Variants in EPN3 observed in about 807,000 individuals in gnomAD.
EPN3 encodes epsin-3.
In EPN3, 56 loss-of-function variants were observed where a neutral mutation model predicts 55.5. That is an observed-to-expected ratio of 1.01 (90% CI 0.81 to 1.26). The LOEUF (loss-of-function observed/expected upper bound fraction) is 1.26, where lower values mean the gene tolerates loss of function less well. EPN3 is among the 50% of genes most tolerant of loss of function. EPN3 has a pLI of 0.00. For missense variants in EPN3, 927 were observed against 853.4 expected (o/e 1.09, Z -1.07); for synonymous variants, 449 against 375.2 (o/e 1.20, Z -2.27).
rs1337253062 is a variant in EPN3, at chr17:50,541,544, C to A, written c.1435C>A (p.Leu479Ile). 1.9e-6 allele frequency: 3 copies of A among 1,614,182 alleles called. No individual in the cohort carries two copies. The highest frequency in any genetic ancestry group is 2.5e-6 in the Non-Finnish European group (3 of 1,180,026). ...KEPDALDLGI[L>I]GEALTQPSKE... ...GCCAGATGCCCTGGACCTGGGCATA[C>A]TAGGGGAAGCACTAACCCAGCCAAG... Residue 479 changes from leucine (L) to isoleucine (I), a missense_variant, in exon 9 of 10, where the codon CTA (leucine) becomes ATA (isoleucine). Coordinates refer to ENST00000268933, the MANE Select transcript of EPN3 (RefSeq NM_017957.3).
Position 50,541,664 on chromosome 17 carries a change from GT to G in EPN3, c.1557del (p.Ala520GlnfsTer8), listed in dbSNP as rs577978019. 6.5e-4 allele frequency: 1,056 copies of G among 1,614,106 alleles called. 21 individuals carry two copies. The Admixed American group carries it at 0.016, about 25-fold the overall frequency. On this transcript the variant is annotated frameshift_variant, in exon 9 of 10. Transcript: ENST00000268933. LOFTEE classifies it high-confidence loss of function. The stretch of plus-strand genomic sequence containing the variant: ...TGACTCGTTGGTCAAGGCACCCCAG[GT>G]TGCAAAGACCCGGAACCCCTTCCTG... ...NLDSLVKAPQ[V>X]AKTRNPFLTG...
rs1365747575 is a variant in EPN3, at chr17:50,541,343, G to A, written c.1354+10G>A. 6.2e-7 allele frequency: 1 copy of A among 1,611,066 alleles called. No individual in the cohort carries two copies. Among genetic ancestry groups the A allele is most frequent in the East Asian group, 2.2e-5 (1 of 44,886 alleles). On this transcript the variant is annotated intron_variant, in intron 8 of 9. Coordinates refer to ENST00000268933, the MANE Select transcript of EPN3 (RefSeq NM_017957.3). ...CCCAGCAGCCCTGTGGGTGAGCAGG[G>A]CAAGGGGATGGTGAGGCTCTGGGGA... is the stretch of plus-strand genomic sequence containing the variant.
intron 1 of EPN3, chr17:50,534,563 G>A (rs2034730735): frequency 1.0e-6 from 1 of 985,516 alleles, no homozygotes; most frequent in Non-Finnish European, 1.2e-6. Context: ...TCACTAGCAA[G>A]GGGGAGGGCA....
In EPN3 at chr17:50,543,373, G is replaced by T; in HGVS notation, c.*1216G>T. ...GTGAGGCCTGGTACTCAATCCAGGA[G>T]GGGCCCCTATGACCACCCTCGCCTG... is the stretch of plus-strand genomic sequence containing the variant. On this transcript the variant is annotated 3_prime_UTR_variant, in exon 10 of 10. Coordinates refer to ENST00000268933, the MANE Select transcript of EPN3 (RefSeq NM_017957.3). 1 of 152,448 alleles carries T rather than the reference G, an allele frequency of 6.6e-6. No homozygotes were observed. The highest frequency in any genetic ancestry group is 1.5e-5 in the Non-Finnish European group (1 of 68,108). The allele number at this position is 152,448 out of a possible 1,614,324, so 9.4% of individuals were successfully genotyped here. A position where few individuals can be genotyped will look rare whatever the true frequency, so the allele number is the denominator to read the frequency against.
rs139970360 is a variant in EPN3, at chr17:50,535,088, T to G, written c.-136-1333T>G. On this transcript the variant is annotated intron_variant, in intron 1 of 9. Coordinates refer to ENST00000268933, the MANE Select transcript of EPN3 (RefSeq NM_017957.3). ...TGGGCCTGGAGTTGTATTCAGCAGA[T>G]AGCCTGGACCTGTGGCTACTGGGGG... 3.3e-5 allele frequency among the ~76,000 whole-genome samples: 5 copies of G among 152,310 alleles called. No individual in the cohort carries two copies. The East Asian group carries it at 9.7e-4, about 29-fold the overall frequency.
At chr17:50,538,802 C>A in intron 3 of EPN3, 82 bp from the exon 4 acceptor site, 1 of 1,072,454 alleles carries the variant, frequency 9.3e-7, no homozygotes, top group South Asian at 1.8e-5. Flanking sequence ...TCTCCATCCC[C>A]ATGACCCAGG....
rs1371960763 is a variant in EPN3 at position 50,536,441 on chromosome 17, T to C, written c.-116T>C. 1.3e-6 allele frequency: 2 copies of C among 1,542,146 alleles called. No individual in the cohort carries two copies. The highest frequency in any genetic ancestry group is 2.0e-5 in the Admixed American group (1 of 48,916). ...CTCAGCCCCATGTGGAACCCAAGGATGCAGCTGCTCTGCTAACACGGCAGC... is the reference window on the plus strand; with the variant it reads ...CTCAGCCCCATGTGGAACCCAAGGACGCAGCTGCTCTGCTAACACGGCAGC... On this transcript the variant is annotated 5_prime_UTR_variant, in exon 2 of 10. The change abolishes an upstream ATG in the 5' untranslated region. Coordinates refer to ENST00000268933, the MANE Select transcript of EPN3 (RefSeq NM_017957.3).
In EPN3 at chr17:50,532,815, C is replaced by T. The variant is rs1477883104; in HGVS notation, c.-307C>T. ...CATTCCAGGGACCCTGCCGCTGCCC[C>T]TCTGAGGGGTCTGCACCTCCTGGGA... On this transcript the variant is annotated 5_prime_UTR_variant, in exon 1 of 10. Coordinates refer to ENST00000268933, the MANE Select transcript of EPN3 (RefSeq NM_017957.3). 2 of 1,161,608 alleles carry T rather than the reference C, an allele frequency of 1.7e-6. No homozygotes were observed. Among genetic ancestry groups the T allele is most frequent in the African/African-American group, 1.6e-5 (1 of 62,044 alleles). The allele number at this position is 1,161,608 out of a possible 1,614,324, so 72.0% of individuals were successfully genotyped here. A position where few individuals can be genotyped will look rare whatever the true frequency, so the allele number is the denominator to read the frequency against.
intron 1 of EPN3, chr17:50,534,507 T>C: frequency 1.0e-6 from 1 of 985,456 alleles, no homozygotes; most frequent in Non-Finnish European, 1.2e-6. Context: ...CCATCTTGAC[T>C]CTGCCACCCC....
Position 50,541,680 on chromosome 17 carries a change from AC to A in EPN3, c.1575del (p.Phe526SerfsTer2), listed in dbSNP as rs1567905751. 1 of 1,613,120 alleles carries A rather than the reference AC, an allele frequency of 6.2e-7. No homozygotes were observed. Among genetic ancestry groups the A allele is most frequent in the East Asian group, 2.2e-5 (1 of 44,858 alleles). On this transcript the variant is annotated frameshift_variant, in exon 9 of 10. Coordinates refer to ENST00000268933, the MANE Select transcript of EPN3 (RefSeq NM_017957.3). LOFTEE classifies it high-confidence loss of function. ...VKAPQVAKTR[N>X]PFLTGLSAPS... ...GCACCCCAGGTTGCAAAGACCCGGA[AC>A]CCCTTCCTGACAGGTAAGATATGCC... is the stretch of plus-strand genomic sequence containing the variant.
At chr17:50,541,104 C>T (rs1241089393) in intron 7 of EPN3, 42 bp downstream of exon 7, 3 of 1,570,854 alleles carry the variant, frequency 1.9e-6, no homozygotes, top group African/African-American at 1.3e-5. Flanking sequence ...AGCTGGGGGA[C>T]TTCCAGGCAG....
intron 1 of EPN3, 72 bp from the exon 2 acceptor site, chr17:50,536,349 T>C (rs981095435): frequency 3.1e-6 from 4 of 1,287,512 alleles, no homozygotes; most frequent in Non-Finnish European, 4.1e-6. Flanking sequence ...CAGGCCTCAT[T>C]TAGTTGGTCA....
Position 50,540,801 on chromosome 17 carries a change from C to A in EPN3, c.988C>A (p.Pro330Thr), listed in dbSNP as rs1046215150. 1 of 1,608,498 alleles carries A rather than the reference C, an allele frequency of 6.2e-7. No homozygotes were observed. The highest frequency in any genetic ancestry group is 8.5e-7 in the Non-Finnish European group (1 of 1,176,340). ...ADPWDIPGFR[P>T]NTEASGSSWG... is the part of the protein sequence containing the mutation. ...TGCTGTTCCCATTTCAGGTTTTAGG[C>A]CGAACACAGAGGCCAGTGGATCCTC... The change falls in exon 7 of 10, where the codon CCG becomes ACG. Residue 330 changes from proline to threonine, a missense_variant. Physicochemically the swap from Pro to Thr is conservative, Grantham distance 38. Coordinates refer to ENST00000268933, the MANE Select transcript of EPN3 (RefSeq NM_017957.3).
chr17:50,533,047 G>A (rs1461048936), intron 1 of EPN3, 62 bp downstream of exon 1: 30 of 1,083,374 alleles, frequency 2.8e-5, no homozygotes, highest in Non-Finnish European at 3.7e-5. Context: ...GGTTGGTGGG[G>A]AGCAAACAGT....
At chr17:50,538,024 G>C in intron 2 of EPN3, 55 bp from the exon 3 acceptor site, 2 of 1,400,792 alleles carry the variant, frequency 1.4e-6, no homozygotes, top group East Asian at 2.3e-5. Flanking sequence ...CAGGCAGAGG[G>C]GTGTGGGAGC....
rs1597864909 is a variant in EPN3, at chr17:50,542,118, GC to G, written c.1865del (p.Pro622ArgfsTer42). On this transcript the variant is annotated frameshift_variant, in exon 10 of 10. Transcript: ENST00000268933. LOFTEE classifies it high-confidence loss of function. Reference sequence around the variant, plus strand: ...CCACGCCGAGCTCAGCCGGGCCGCGGCCCCCGCCCCCGCAGACCGGCACCAA... The same window carrying G: ...CCACGCCGAGCTCAGCCGGGCCGCGGCCCCGCCCCCGCAGACCGGCACCAA... ...LPTPSSAGPR[P>X]PPPQTGTNPF... 7.2e-6 allele frequency: 11 copies of G among 1,523,148 alleles called. No homozygotes were observed. The highest frequency in any genetic ancestry group is 2.4e-5 in the South Asian group (2 of 82,484). 94.4% of individuals were successfully genotyped at this position (1,523,148 alleles called of 1,614,324 possible). A position where few individuals can be genotyped will look rare whatever the true frequency, so the allele number is the denominator to read the frequency against.
intron 1 of EPN3, among the ~76,000 whole-genome samples, chr17:50,535,647 C>T (rs1444373186): frequency 6.6e-6 from 1 of 152,134 alleles, no homozygotes; most frequent in African/African-American, 2.4e-5. Context: ...TTGGGTCTTC[C>T]TGTGCGGCTC....
intron 7 of EPN3, 51 bp downstream of exon 7, chr17:50,541,113 A>G (rs756644473): frequency 6.4e-7 from 1 of 1,573,416 alleles, no homozygotes; most frequent in South Asian, 1.2e-5. Flanking sequence ...ACTTCCAGGC[A>G]GGGCCAAGGG....
chr17:50,538,991 C>G (rs190060436), intron 4 of EPN3, 27 bp downstream of exon 4: 6 of 1,576,570 alleles, frequency 3.8e-6, no homozygotes, highest in Non-Finnish European at 5.2e-6. Flanking sequence ...GCTGGGCTGC[C>G]GGTGCTGCTG....
Sources: allele counts gnomAD v4.1 joint callset (sites outside exome capture counted in the v4.1 genomes callset), GRCh38; gene constraint gnomAD v4.1.1; transcripts MANE v1.5; gene names NCBI Gene and HGNC (gene_info 2026-07-23, HGNC 2026-07-21).